The following SLC8A1 variants were observed in gnomAD, a reference collection of about 807,000 sequenced individuals.
The protein encoded by SLC8A1 is solute carrier family 8 member A1, also known as sodium/calcium exchanger 1.
Under a neutral mutation model 68.3 loss-of-function variants are expected in SLC8A1, and 18 were observed. The observed-to-expected ratio is 0.26, with a 90% CI of 0.18 to 0.39. SLC8A1 has a LOEUF of 0.39. Ranked by LOEUF, SLC8A1 falls within the 10% of genes least tolerant of loss-of-function variation. SLC8A1 has a pLI of 1.00. For missense variants in SLC8A1, 985 were observed against 1,156.7 expected, an observed-to-expected ratio of 0.85 and a Z score of 2.15; for synonymous variants, 475 against 415.5, an observed-to-expected ratio of 1.14 and a Z score of -1.74.
At chr2:40,446,049 C>T (rs190090034) in intron 1 of SLC8A1, among the ~76,000 whole-genome samples, 34 of 152,298 alleles carry the variant, frequency 2.2e-4, no homozygotes, top group African/African-American at 5.8e-4. Context: ...TAAGGGAAAG[C>T]TGAAGAAATG....
At chr2:40,281,509 G>T (rs1162622246) in intron 2 of SLC8A1, among the ~76,000 whole-genome samples, 1 of 152,204 alleles carries the variant, frequency 6.6e-6, no homozygotes, top group Non-Finnish European at 1.5e-5. Context: ...GCCAGGGCTT[G>T]TGAGCTGTCT....
chr2:40,317,135 C>A, intron 2 of SLC8A1, among the ~76,000 whole-genome samples: 1 of 151,962 alleles, frequency 6.6e-6, no homozygotes, highest in Admixed American at 6.6e-5. Flanking sequence ...CTGAATAGTT[C>A]GGCTTCTTTG....
intron 1 of SLC8A1, among the ~76,000 whole-genome samples, chr2:40,500,788 C>G (rs1401225615): frequency 8.6e-6 from 1 of 115,650 alleles, no homozygotes; most frequent in Non-Finnish European, 1.7e-5. Flanking sequence ...AAGGTATTAT[C>G]ATCTGACTTT....
chr2:40,238,188 G>T (rs980422994), intron 2 of SLC8A1, among the ~76,000 whole-genome samples: 2 of 152,042 alleles, frequency 1.3e-5, no homozygotes, highest in Non-Finnish European at 2.9e-5. Context: ...GCAATGGCGG[G>T]CGCCCCTCCC....
chr2:40,417,391 A>T (rs547346899), intron 2 of SLC8A1, among the ~76,000 whole-genome samples: 140 of 152,348 alleles, frequency 9.2e-4, no homozygotes, highest in African/African-American at 3.2e-3. Context: ...CAAACAAGAA[A>T]AACATAATCA....
intron 2 of SLC8A1, among the ~76,000 whole-genome samples, chr2:40,262,277 A>T (rs1294049984): frequency 6.6e-6 from 1 of 152,134 alleles, no homozygotes; most frequent in Non-Finnish European, 1.5e-5. Context: ...TCACTATTAT[A>T]TTGCCAATAT....
At chr2:40,390,515 T>C (rs774021788) in intron 2 of SLC8A1, among the ~76,000 whole-genome samples, 4 of 152,116 alleles carry the variant, frequency 2.6e-5, no homozygotes, top group Non-Finnish European at 4.4e-5. Context: ...AGAATGTCAA[T>C]TCTTGCATAC....
chr2:40,433,332 G>A (rs1698747383), intron 1 of SLC8A1, among the ~76,000 whole-genome samples: 1 of 152,128 alleles, frequency 6.6e-6, no homozygotes, highest in South Asian at 2.1e-4. Flanking sequence ...AGTCTTTGCA[G>A]ATTATTCTGT....
At chr2:40,512,187 T>C (rs1395615393) in intron 1 of SLC8A1, among the ~76,000 whole-genome samples, 1 of 152,118 alleles carries the variant, frequency 6.6e-6, no homozygotes, top group Non-Finnish European at 1.5e-5. Context: ...GCAGAGCTGT[T>C]AAATACCTCT....
chr2:40,238,650 G>C (rs1334154687), intron 2 of SLC8A1, among the ~76,000 whole-genome samples: 1 of 152,056 alleles, frequency 6.6e-6, no homozygotes, highest in Non-Finnish European at 1.5e-5. Context: ...TTTCTTACTG[G>C]CAATATTCCC....
At chr2:40,167,984 A>G (rs1292739294) in intron 4 of SLC8A1, among the ~76,000 whole-genome samples, 2 of 152,190 alleles carry the variant, frequency 1.3e-5, no homozygotes, top group East Asian at 1.9e-4. Flanking sequence ...TAGGTGCTCA[A>G]TAAGCATTTG....
At chr2:40,147,299 T>G (rs1274378673) in intron 6 of SLC8A1, among the ~76,000 whole-genome samples, 1 of 152,202 alleles carries the variant, frequency 6.6e-6, no homozygotes, top group Non-Finnish European at 1.5e-5. Context: ...GTCATGTGTG[T>G]TTTTGCCCCA....
intron 2 of SLC8A1, among the ~76,000 whole-genome samples, chr2:40,258,823 C>G (rs994362858): frequency 6.6e-6 from 1 of 151,416 alleles, no homozygotes; most frequent in Non-Finnish European, 1.5e-5. Flanking sequence ...GCCTGGGCAA[C>G]AGAGTGAGAC....
chr2:40,361,608 G>A (rs1174592030), intron 2 of SLC8A1, among the ~76,000 whole-genome samples: 1 of 152,002 alleles, frequency 6.6e-6, no homozygotes, highest in Non-Finnish European at 1.5e-5. Context: ...TCATTATGAG[G>A]TGGTCTAATC....
chr2:40,483,494 G>A lies in SLC8A1; in HGVS notation c.-25+28855C>T, dbSNP rs918252468. ...GAGAGAAAGCACAATCCTAACCTCC[G>A]CAAGAGAATAGCTACAGTCAACAAA... On this transcript the variant is annotated intron_variant, in intron 1 of 7. Coordinates refer to the SLC8A1 transcript ENST00000402441. 5.3e-5 allele frequency among the ~76,000 whole-genome samples: 8 copies of A among 152,160 alleles called. No individual in the cohort carries two copies. The East Asian group carries it at 7.7e-4, about 15-fold the overall frequency.
upstream of SLC8A1, among the ~76,000 whole-genome samples, chr2:40,455,145 C>G (rs1472207758): frequency 6.6e-6 from 1 of 152,174 alleles, no homozygotes; most frequent in Non-Finnish European, 1.5e-5. Context: ...TGTTCACAAA[C>G]TATTTCCTAG....
intron 6 of SLC8A1, among the ~76,000 whole-genome samples, chr2:40,155,668 G>A (rs1284053841): frequency 1.3e-5 from 2 of 152,096 alleles, no homozygotes; most frequent in Non-Finnish European, 2.9e-5. Flanking sequence ...TATTGTCCAG[G>A]GGACCACTGA....
At chr2:40,122,199 C>CGT (rs1553339148) in intron 7 of SLC8A1, among the ~76,000 whole-genome samples, 1 of 90,168 alleles carries the variant, frequency 1.1e-5, no homozygotes, top group Admixed American at 1.3e-4. Flanking sequence ...CAAGTGCATG[C>CGT]GCGCGCGCAC....
intron 7 of SLC8A1, among the ~76,000 whole-genome samples, chr2:40,126,966 C>T (rs1391484846): frequency 2.0e-5 from 3 of 152,154 alleles, no homozygotes; most frequent in Admixed American, 6.5e-5. Context: ...GGCTTGAAAG[C>T]CTATGCTTTG....
Sources: allele counts gnomAD v4.1 joint callset (sites outside exome capture counted in the v4.1 genomes callset), GRCh38; gene constraint gnomAD v4.1.1; transcripts MANE v1.5; gene names NCBI Gene and HGNC (gene_info 2026-07-23, HGNC 2026-07-21).